PRKDC: variants seen among roughly 807,000 people sequenced by gnomAD.
The protein encoded by PRKDC is protein kinase, DNA-activated, catalytic subunit.
A neutral mutation model predicts 486.9 loss-of-function variants in PRKDC; 82 were observed. That is an observed-to-expected ratio of 0.17 (90% confidence interval 0.14 to 0.20). PRKDC has a LOEUF of 0.20. Ranked by LOEUF, PRKDC falls within the 10% of genes least tolerant of loss-of-function variation. The pLI, the probability that PRKDC is intolerant of heterozygous loss-of-function variation, is 1.00. For missense variants in PRKDC, 4,504 were observed against 5,038.2 expected, an observed-to-expected ratio of 0.89 and a Z score of 3.21; for synonymous variants, 1,895 against 1,837.0, an observed-to-expected ratio of 1.03 and a Z score of -0.81.
intron 27 of PRKDC, 87 bp downstream of exon 27, chr8:47,902,482 A>C: frequency 1.1e-6 from 1 of 912,020 alleles, no homozygotes; most frequent in Non-Finnish European, 1.5e-6. Context: ...TAAATGCAGG[A>C]AATATGACAC....
Position 47,793,595 on chromosome 8 carries a change from C to T in PRKDC, c.10670+695G>A, listed in dbSNP as rs145459769. ...GGTGGAGGTTGCAGCCGAGATTGCA[C>T]TGCACTAGGTGACAGCACAATACTC... On this transcript the variant is annotated intron_variant, in intron 74 of 85. Transcript: ENST00000314191. Among the ~76,000 whole-genome samples, 5 of 146,772 alleles carry T rather than the reference C, an allele frequency of 3.4e-5. No homozygotes were observed. In the East Asian group the frequency reaches 1.0e-3, roughly 29 times the overall value.
At chr8:47,905,678 T>C (rs2089767672) in intron 25 of PRKDC, among the ~76,000 whole-genome samples, 1 of 152,128 alleles carries the variant, frequency 6.6e-6, no homozygotes, top group Non-Finnish European at 1.5e-5. Context: ...AGATTTAATC[T>C]GTTTATATAC....
intron 40 of PRKDC, among the ~76,000 whole-genome samples, chr8:47,872,071 C>T (rs1418316662): frequency 6.6e-6 from 1 of 152,032 alleles, no homozygotes; most frequent in Non-Finnish European, 1.5e-5. Context: ...AAAATAATAA[C>T]TTTTCCAGAT....
At chr8:47,886,978 G>C (rs1358798635) in intron 35 of PRKDC, among the ~76,000 whole-genome samples, 1 of 152,206 alleles carries the variant, frequency 6.6e-6, no homozygotes, top group African/African-American at 2.4e-5. Context: ...TTAAGGGTGA[G>C]TATTTTTAGA....
At chr8:47,917,828 A>G (rs568776799) in intron 22 of PRKDC, among the ~76,000 whole-genome samples, 1 of 152,360 alleles carries the variant, frequency 6.6e-6, no homozygotes, top group East Asian at 1.9e-4. Context: ...CAGTTAATAT[A>G]GTTTATATTT....
chr8:47,916,575 C>T (rs1222383182), intron 22 of PRKDC, among the ~76,000 whole-genome samples: 10 of 152,164 alleles, frequency 6.6e-5, no homozygotes, highest in African/African-American at 2.4e-4. Context: ...CTCAAAGTGG[C>T]AGGCTCGGTT....
At chr8:47,948,717 C>T (rs2090578252) in intron 7 of PRKDC, among the ~76,000 whole-genome samples, 1 of 152,040 alleles carries the variant, frequency 6.6e-6, no homozygotes, top group African/African-American at 2.4e-5. Context: ...CCACCTCAGC[C>T]TCCCAAAGTG....
intron 84 of PRKDC, among the ~76,000 whole-genome samples, chr8:47,777,462 G>A (rs2086626591): frequency 1.3e-5 from 2 of 152,156 alleles, no homozygotes; most frequent in Non-Finnish European, 2.9e-5. Context: ...TCCCGTCTCT[G>A]CCTCCCAAAG....
chr8:47,814,574 C>G (rs2087402296), intron 68 of PRKDC, among the ~76,000 whole-genome samples: 1 of 151,934 alleles, frequency 6.6e-6, no homozygotes, highest in African/African-American at 2.4e-5. Flanking sequence ...AAAAATAAAT[C>G]CATCTATAAC....
intron 69 of PRKDC, among the ~76,000 whole-genome samples, chr8:47,804,296 CTTTTTTTTTTTT>C (rs767946033): frequency 7.4e-6 from 1 of 135,932 alleles, no homozygotes; most frequent in African/African-American, 2.7e-5. Flanking sequence ...GGACATGCCA[CTTTTTTTTTTTT>C]TTTTTTTTGA....
intron 68 of PRKDC, among the ~76,000 whole-genome samples, chr8:47,814,060 C>T (rs1359146486): frequency 6.6e-6 from 1 of 152,110 alleles, no homozygotes; most frequent in Non-Finnish European, 1.5e-5. Context: ...CCTAAGAATG[C>T]AAGATTGGCT....
At chr8:47,957,867 G>A (rs1439672452) in intron 1 of PRKDC, among the ~76,000 whole-genome samples, 1 of 152,138 alleles carries the variant, frequency 6.6e-6, no homozygotes, top group Non-Finnish European at 1.5e-5. Flanking sequence ...CTAACCCAAG[G>A]TTGCTGTATT....
In PRKDC at chr8:47,785,191, G is replaced by A. The variant is rs55924155; in HGVS notation, c.11029C>T (p.Pro3677Ser). The part of the protein sequence containing the change: ...LLKMNKDSKP[P>S]GNLKECSPWM... ...GGTGAACATTCTTTCAGATTCCCAG[G>A]GGGCTTTGAGTCTTTGTTCATTTTT... Residue 3677 changes from proline (P) to serine (S), a missense_variant, in exon 77 of 86, where the codon CCT (proline) becomes TCT (serine). Pro to Ser is a moderately conservative substitution (Grantham distance 74, BLOSUM62 -1). Coordinates refer to ENST00000314191, the MANE Select transcript of PRKDC (RefSeq NM_006904.7). 1,036 of 1,613,868 alleles carry A rather than the reference G, an allele frequency of 6.4e-4. 1 individual carries two copies. Among genetic ancestry groups the A allele is most frequent in the Non-Finnish European group, 8.2e-4 (971 of 1,179,868 alleles).
rs751427948 is a variant in PRKDC, at chr8:47,779,034, T to A, written c.11549A>T (p.His3850Leu). 6.2e-7 allele frequency: 1 copy of A among 1,601,988 alleles called. No individual in the cohort carries two copies. Among genetic ancestry groups the A allele is most frequent in the Non-Finnish European group, 8.5e-7 (1 of 1,173,744 alleles). ...KDWLTKMSGK[H>L]DVGAYMLMYK... ...CATTAGCATGTAAGCTCCAACATCA[T>A]GTTTTCCTGACATTTTTGTCAGCCA... Residue 3850 changes from histidine (H) to leucine (L), a missense_variant, in exon 81 of 86, where the codon CAT becomes CTT. Physicochemically the swap from His to Leu is moderately conservative, Grantham distance 99. Transcript: ENST00000314191.
In PRKDC at chr8:47,920,601, G is replaced by T. The variant is rs528675010; in HGVS notation, c.2420-2218C>A. On this transcript the variant is annotated intron_variant, in intron 21 of 85. Transcript: ENST00000314191. ...TTAAAAATCGTACAGAAAACAATTT[G>T]GGATCATTTAGGAATATTCACATAA... Among the ~76,000 whole-genome samples, 19 of 152,246 alleles carry T rather than the reference G, an allele frequency of 1.2e-4. No homozygotes were observed. In the East Asian group the frequency reaches 3.7e-3, roughly 29 times the overall value.
chr8:47,834,985 C>T (rs1211745387), intron 58 of PRKDC, among the ~76,000 whole-genome samples: 2 of 151,956 alleles, frequency 1.3e-5, no homozygotes, highest in African/African-American at 4.8e-5. Context: ...CCACAGCGCC[C>T]GGCCCCCTGA....
chr8:47,869,325 C>A (rs907223201), intron 40 of PRKDC, among the ~76,000 whole-genome samples: 15 of 151,532 alleles, frequency 9.9e-5, no homozygotes, highest in African/African-American at 3.4e-4. Context: ...AACTGGGATA[C>A]CAGCTCAGCC....
Position 47,798,164 on chromosome 8 carries a change from C to T in PRKDC, c.10458+73G>A, listed in dbSNP as rs375629371. 9.8e-5 allele frequency: 146 copies of T among 1,486,370 alleles called. No individual in the cohort carries two copies. The African/African-American group carries it at 1.8e-3, about 18-fold the overall frequency. 92.1% of individuals were successfully genotyped at this position (1,486,370 alleles called of 1,614,324 possible). A position where few individuals can be genotyped will look rare whatever the true frequency, so the allele number is the denominator to read the frequency against. On this transcript the variant is annotated intron_variant, in intron 73 of 85. Transcript: ENST00000314191. Reference sequence around the variant, plus strand: ...AATACATGCACTGCACACACTAACGCGTTTGAATATAAATAAGCGTATCTT... The same window carrying T: ...AATACATGCACTGCACACACTAACGTGTTTGAATATAAATAAGCGTATCTT...
At chr8:47,955,184 C>T (rs1363190451) in intron 4 of PRKDC, among the ~76,000 whole-genome samples, 39 of 144,784 alleles carry the variant, frequency 2.7e-4, no homozygotes, top group Middle Eastern at 4.1e-3. Flanking sequence ...ACATATGGGC[C>T]GGGCGCGGTG....
Sources: allele counts gnomAD v4.1 joint callset (sites outside exome capture counted in the v4.1 genomes callset), GRCh38; gene constraint gnomAD v4.1.1; transcripts MANE v1.5; gene names NCBI Gene and HGNC (gene_info 2026-07-23, HGNC 2026-07-21).